EYS: variants seen among roughly 807,000 people sequenced by gnomAD.
EYS encodes EGF-like photoreceptor maintenance factor, also known as protein eyes shut homolog.
Under a neutral mutation model 282.1 loss-of-function variants are expected in EYS, and 250 were observed. The ratio of observed to expected loss-of-function variants is 0.89; its 90% CI spans 0.80 to 0.98. The LOEUF (loss-of-function observed/expected upper bound fraction) is 0.98. Among genes scored for constraint, EYS ranks in the 50% least tolerant of loss-of-function variants. The pLI is 0.00. For missense variants in EYS, 4,016 were observed against 3,709.0 expected, an observed-to-expected ratio of 1.08 and a Z score of -2.15; for synonymous variants, 1,355 against 1,282.9, an observed-to-expected ratio of 1.06 and a Z score of -1.20.
chr6:65,499,249 A>C (rs1296280426), intron 2 of EYS, among the ~76,000 whole-genome samples: 1 of 152,094 alleles, frequency 6.6e-6, no homozygotes, highest in Non-Finnish European at 1.5e-5. Flanking sequence ...TCTTTTAAAA[A>C]AACAAGGTAA....
At chr6:64,227,832 C>T (rs1181138725) in intron 31 of EYS, among the ~76,000 whole-genome samples, 1 of 151,644 alleles carries the variant, frequency 6.6e-6, no homozygotes, top group Non-Finnish European at 1.5e-5. Context: ...ATCTGTAAAT[C>T]GTAAGCATTT....
chr6:63,899,661 G>A (rs1163111366), intron 35 of EYS, among the ~76,000 whole-genome samples: 1 of 152,168 alleles, frequency 6.6e-6, no homozygotes, highest in Non-Finnish European at 1.5e-5. Context: ...CTTCTGGAAA[G>A]TGTTCTTTGA....
chr6:64,727,290 T>C (rs978563891), intron 22 of EYS, among the ~76,000 whole-genome samples: 1 of 152,240 alleles, frequency 6.6e-6, no homozygotes, highest in Non-Finnish European at 1.5e-5. Context: ...TTATGCTTTT[T>C]TTCAGAGATA....
rs150522177 is a variant in EYS at position 64,447,954 on chromosome 6, A to G, written c.5645-8602T>C. On this transcript the variant is annotated intron_variant, in intron 26 of 42. Transcript: ENST00000503581. ...AGGATAGAAAGTAACTTTCTAAAATAAAAATCAAATCATGCCACTTCCCTG... is the reference window on the plus strand; with the variant it reads ...AGGATAGAAAGTAACTTTCTAAAATGAAAATCAAATCATGCCACTTCCCTG... Among the ~76,000 whole-genome samples the G allele has an allele frequency of 3.1e-3, 466 of 152,352 alleles. 1 individual carries two copies. Among genetic ancestry groups the G allele is most frequent in the Non-Finnish European group, 5.5e-3 (374 of 68,028 alleles).
intron 30 of EYS, among the ~76,000 whole-genome samples, chr6:64,289,965 G>A (rs546154945): frequency 7.2e-5 from 11 of 152,042 alleles, no homozygotes; most frequent in Admixed American, 3.9e-4. Flanking sequence ...TGAGAAGGCT[G>A]GATAATAATA....
chr6:64,790,469 A>G (rs968503695), intron 22 of EYS, among the ~76,000 whole-genome samples: 3 of 151,950 alleles, frequency 2.0e-5, no homozygotes, highest in Non-Finnish European at 4.4e-5. Context: ...AACAATTAGC[A>G]ATCACCCGAT....
At chr6:64,546,759 G>T (rs1354976895) in intron 26 of EYS, among the ~76,000 whole-genome samples, 1 of 152,128 alleles carries the variant, frequency 6.6e-6, no homozygotes, top group Non-Finnish European at 1.5e-5. Flanking sequence ...GCAGCCAAAA[G>T]ACACATGAAA....
chr6:65,251,712 C>T (rs2150283464), intron 12 of EYS, among the ~76,000 whole-genome samples: 1 of 151,942 alleles, frequency 6.6e-6, no homozygotes, highest in South Asian at 2.1e-4. Context: ...TTTTTCCCCT[C>T]AAATATCCAT....
Position 65,405,898 on chromosome 6 carries a change from A to G in EYS, c.863-531T>C, listed in dbSNP as rs181523954. On this transcript the variant is annotated intron_variant, in intron 5 of 42. Coordinates refer to ENST00000503581, the MANE Select transcript of EYS (RefSeq NM_001142800.2). The stretch of plus-strand genomic sequence containing the variant: ...CATGAATTCATATACAATTATTCGA[A>G]GGAATATGCTTTTTTTATATTTCTT... Among the ~76,000 whole-genome samples, 613 of 152,204 alleles carry G rather than the reference A, an allele frequency of 4.0e-3. 5 individuals carry two copies. Among genetic ancestry groups the G allele is most frequent in the African/African-American group, 0.014 (580 of 41,568 alleles).
rs148025575 is a variant in EYS at position 65,082,278 on chromosome 6, A to G, written c.2024-24551T>C. Among the ~76,000 whole-genome samples, 56 of 152,082 alleles carry G rather than the reference A, an allele frequency of 3.7e-4. No individual in the cohort carries two copies. The East Asian group carries it at 9.1e-3, about 25-fold the overall frequency. On this transcript the variant is annotated intron_variant, in intron 12 of 42. Coordinates refer to ENST00000503581, the MANE Select transcript of EYS (RefSeq NM_001142800.2). ...ATACCCATTTTGGCCTTATATCTCA[A>G]CCTCTCTAATGGTGGAGGTTATGGA... is the stretch of plus-strand genomic sequence containing the variant.
At chr6:63,739,900 A>G (rs1769029336) in intron 41 of EYS, among the ~76,000 whole-genome samples, 2 of 141,136 alleles carry the variant, frequency 1.4e-5, no homozygotes. Flanking sequence ...GGGTTTTGCC[A>G]TGTTAGCCAG....
chr6:64,440,548 T>C (rs993337770), intron 26 of EYS, among the ~76,000 whole-genome samples: 1 of 152,108 alleles, frequency 6.6e-6, no homozygotes, highest in African/African-American at 2.4e-5. Flanking sequence ...AATAACAATG[T>C]CCTTTCAATT....
chr6:65,466,581 A>T (rs1169899494), intron 5 of EYS, among the ~76,000 whole-genome samples: 1 of 151,940 alleles, frequency 6.6e-6, no homozygotes, highest in Non-Finnish European at 1.5e-5. Flanking sequence ...GTCTTGGTCA[A>T]ACCAAAATGA....
chr6:65,532,194 T>C (rs1449757990), intron 2 of EYS, among the ~76,000 whole-genome samples: 1 of 152,148 alleles, frequency 6.6e-6, no homozygotes, highest in Non-Finnish European at 1.5e-5. Context: ...TATAATCATA[T>C]GCTTAACAAA....
intron 26 of EYS, among the ~76,000 whole-genome samples, chr6:64,492,872 T>G (rs1459236934): frequency 2.6e-5 from 4 of 151,386 alleles, no homozygotes; most frequent in Admixed American, 6.6e-5. Flanking sequence ...GTCAGTGCCT[T>G]CTCTGCTTTA....
chr6:64,465,538 T>A (rs1775888741), intron 26 of EYS, among the ~76,000 whole-genome samples: 1 of 152,112 alleles, frequency 6.6e-6, no homozygotes, highest in African/African-American at 2.4e-5. Flanking sequence ...AGGAAAGTGG[T>A]TATCCACATG....
chr6:63,742,024 C>G, intron 41 of EYS: 2 of 700,260 alleles, frequency 2.9e-6, no homozygotes, highest in East Asian at 2.7e-5. Context: ...ATTTGTGGCT[C>G]TTTATCAGCA....
At chr6:63,875,536 C>T (rs183663767) in intron 35 of EYS, among the ~76,000 whole-genome samples, 52 of 151,978 alleles carry the variant, frequency 3.4e-4, no homozygotes, top group East Asian at 5.8e-4. Flanking sequence ...GAGTAATTTC[C>T]GAAGGAATGG....
At chr6:63,882,240 A>C (rs1365411010) in intron 35 of EYS, among the ~76,000 whole-genome samples, 1 of 152,230 alleles carries the variant, frequency 6.6e-6, no homozygotes, top group Non-Finnish European at 1.5e-5. Context: ...TAATATATAA[A>C]ACAGACTATT....
Sources: allele counts gnomAD v4.1 joint callset (sites outside exome capture counted in the v4.1 genomes callset), GRCh38; gene constraint gnomAD v4.1.1; transcripts MANE v1.5; gene names NCBI Gene and HGNC (gene_info 2026-07-23, HGNC 2026-07-21).